SLX4IP: variants seen among roughly 807,000 people sequenced by gnomAD.
SLX4IP encodes the protein protein SLX4IP.
Under a neutral mutation model 32.9 loss-of-function variants are expected in SLX4IP, and 34 were observed. That is an observed-to-expected ratio of 1.03 (90% confidence interval 0.79 to 1.38). SLX4IP has a LOEUF of 1.38. Ranked by LOEUF, SLX4IP falls within the 40% of genes most tolerant of loss-of-function variation. SLX4IP has a pLI of 0.00. For synonymous variants in SLX4IP, 172 were observed against 171.7 expected (o/e 1.00, Z -0.01); for missense variants, 444 against 479.0 (o/e 0.93, Z 0.68).
At chr20:10,575,015 C>G (rs74596214) in intron 4 of SLX4IP, among the ~76,000 whole-genome samples, 1 of 151,962 alleles carries the variant, frequency 6.6e-6, no homozygotes, top group African/African-American at 2.4e-5. Context: ...AGCTCAGAGC[C>G]CTGCCCTCTC....
chr20:10,599,713 C>T (rs1486342104), intron 5 of SLX4IP, among the ~76,000 whole-genome samples: 1 of 152,158 alleles, frequency 6.6e-6, no homozygotes, highest in African/African-American at 2.4e-5. Flanking sequence ...ATACTGCTTT[C>T]TTAACAGGTC....
chr20:10,620,539 T>G (rs2122571351), intron 6 of SLX4IP, among the ~76,000 whole-genome samples: 1 of 152,296 alleles, frequency 6.6e-6, no homozygotes, highest in South Asian at 2.1e-4. Flanking sequence ...GTTGCTATGG[T>G]CTTGGGTGTG....
intron 3 of SLX4IP, among the ~76,000 whole-genome samples, chr20:10,558,511 A>G (rs561916741): frequency 6.6e-6 from 1 of 152,282 alleles, no homozygotes; most frequent in Admixed American, 6.5e-5. Context: ...CATGATTGGG[A>G]TTTTATGAGC....
intron 1 of SLX4IP, among the ~76,000 whole-genome samples, chr20:10,452,672 A>ATATATATATATATATATATATAT (rs1391269787): frequency 1.4e-5 from 1 of 73,806 alleles, no homozygotes; most frequent in African/African-American, 5.0e-5. Flanking sequence ...CTCAAAAAAA[A>ATATATATATATATATATATATAT]AAAAAAAAAT....
intron 2 of SLX4IP, among the ~76,000 whole-genome samples, chr20:10,477,824 C>T (rs1483526417): frequency 1.3e-5 from 2 of 151,960 alleles, no homozygotes; most frequent in East Asian, 1.9e-4. Context: ...TCCTTCTCAT[C>T]CTCTTTGGGC....
rs114071786 is a variant in SLX4IP at position 10,501,687 on chromosome 20, T to C, written c.27+43456T>C. On this transcript the variant is annotated intron_variant, in intron 2 of 7. Coordinates refer to ENST00000334534, the MANE Select transcript of SLX4IP (RefSeq NM_001009608.3). ...ACAAAGAGATGGCAGTCATGCCAGA[T>C]GGCAGGTTTTCCTTGCTTCTACTTA... 6.9e-3 allele frequency among the ~76,000 whole-genome samples: 1,044 copies of C among 152,376 alleles called. 4 individuals carry two copies. Among genetic ancestry groups the C allele is most frequent in the Middle Eastern group, 0.048 (14 of 294 alleles).
intron 2 of SLX4IP, among the ~76,000 whole-genome samples, chr20:10,497,543 G>A (rs1047488384): frequency 1.4e-4 from 21 of 151,222 alleles, no homozygotes; most frequent in Non-Finnish European, 2.5e-4. Flanking sequence ...TTCTTTTTTC[G>A]GAAACTTTAT....
chr20:10,480,938 T>C (rs1265003606), intron 2 of SLX4IP, among the ~76,000 whole-genome samples: 1 of 152,362 alleles, frequency 6.6e-6, no homozygotes, highest in East Asian at 1.9e-4. Flanking sequence ...TGAATATTGC[T>C]CTGGGGAAAT....
intron 2 of SLX4IP, among the ~76,000 whole-genome samples, chr20:10,516,767 G>T (rs1006761255): frequency 6.6e-6 from 1 of 152,172 alleles, no homozygotes. Flanking sequence ...AGTGGGTTAG[G>T]TTGTCTCCAT....
intron 2 of SLX4IP, among the ~76,000 whole-genome samples, chr20:10,495,556 C>G (rs1287493346): frequency 6.6e-6 from 1 of 152,072 alleles, no homozygotes; most frequent in Non-Finnish European, 1.5e-5. Context: ...AATATTTTGC[C>G]TGGTTTTTCA....
intron 6 of SLX4IP, among the ~76,000 whole-genome samples, chr20:10,616,732 T>C (rs982168788): frequency 3.3e-5 from 5 of 152,192 alleles, no homozygotes; most frequent in African/African-American, 9.7e-5. Flanking sequence ...GCCCACCTTG[T>C]TACCTACCAC....
At chr20:10,559,133 A>C (rs564426514) in intron 3 of SLX4IP, among the ~76,000 whole-genome samples, 1 of 152,278 alleles carries the variant, frequency 6.6e-6, no homozygotes, top group Non-Finnish European at 1.5e-5. Flanking sequence ...TTTTTAAAAA[A>C]AAAAAAACCT....
At chr20:10,578,158 C>T (rs1259257229) in intron 4 of SLX4IP, among the ~76,000 whole-genome samples, 2 of 152,068 alleles carry the variant, frequency 1.3e-5, no homozygotes, top group African/African-American at 4.8e-5. Flanking sequence ...GTTGTGTAAC[C>T]ATCACCAGAA....
chr20:10,601,187 G>T (rs2066837512), intron 5 of SLX4IP, among the ~76,000 whole-genome samples: 1 of 151,966 alleles, frequency 6.6e-6, no homozygotes, highest in Admixed American at 6.6e-5. Context: ...TTTCTTAATA[G>T]TTGGATCATT....
intron 2 of SLX4IP, among the ~76,000 whole-genome samples, chr20:10,459,285 G>A (rs2065316097): frequency 6.6e-6 from 1 of 152,090 alleles, no homozygotes; most frequent in Admixed American, 6.5e-5. Flanking sequence ...TGGATAGCTT[G>A]CAAATATTTT....
chr20:10,473,760 G>T (rs760530488), intron 2 of SLX4IP, among the ~76,000 whole-genome samples: 2 of 151,670 alleles, frequency 1.3e-5, no homozygotes, highest in Non-Finnish European at 2.9e-5. Context: ...CTGCCACCAC[G>T]CCTGGCTAAT....
At chr20:10,609,566 G>T (rs1272021951) in intron 6 of SLX4IP, among the ~76,000 whole-genome samples, 5 of 152,108 alleles carry the variant, frequency 3.3e-5, no homozygotes, top group Non-Finnish European at 7.4e-5. Context: ...TCCCATCAGT[G>T]CCCAGGGCTA....
intron 2 of SLX4IP, among the ~76,000 whole-genome samples, chr20:10,487,972 C>T (rs192843883): frequency 7.0e-4 from 106 of 152,068 alleles, no homozygotes; most frequent in African/African-American, 1.9e-3. Context: ...TTTTTGTGGG[C>T]GGAAGTCATT....
At chr20:10,561,255 GT>G (rs1677361758) in intron 4 of SLX4IP, among the ~76,000 whole-genome samples, 2 of 151,772 alleles carry the variant, frequency 1.3e-5, no homozygotes, top group South Asian at 2.1e-4. Flanking sequence ...CCTCACTTAT[GT>G]TTTTTTAAAA....
Sources: gnomAD v4.1 joint callset for allele counts (sites outside exome capture counted in the v4.1 genomes callset) on GRCh38, gnomAD v4.1.1 for gene constraint, MANE v1.5 for transcripts, NCBI Gene and HGNC (gene_info 2026-07-23, HGNC 2026-07-21) for gene names.